The following RANBP2 variants were observed in gnomAD, a reference collection of about 807,000 sequenced individuals.
The protein encoded by RANBP2 is RAN binding protein 2, also known as E3 SUMO-protein ligase RanBP2.
In RANBP2, 57 loss-of-function variants were observed where a neutral mutation model predicts 303.6. The observed-to-expected ratio is 0.19, with a 90% CI of 0.15 to 0.23. RANBP2 has a LOEUF of 0.23. RANBP2 is among the 10% of genes least tolerant of loss of function. The probability of loss-of-function intolerance (pLI) is 1.00; values close to 1 mark genes in which losing one functional copy is unlikely to be tolerated. For synonymous variants in RANBP2, 1,167 were observed against 1,301.5 expected, an observed-to-expected ratio of 0.90 and a Z score of 2.23; for missense variants, 3,138 against 3,780.8, an observed-to-expected ratio of 0.83 and a Z score of 4.46.
At chr2:108,939,903 C>T in the RANBP2 span, among the ~76,000 whole-genome samples, 1 of 152,194 alleles carries the variant, frequency 6.6e-6, no homozygotes. Flanking sequence ...AAGTTGGCAC[C>T]TTAAAGTATT....
chr2:109,422,830 G>A, the RANBP2 span, among the ~76,000 whole-genome samples: 978 of 152,310 alleles, frequency 6.4e-3, 13 homozygotes, highest in African/African-American at 0.022. Context: ...TGCCTGATGT[G>A]AAGGACCGGA....
the RANBP2 span, among the ~76,000 whole-genome samples, chr2:109,629,598 G>A: frequency 6.6e-6 from 1 of 151,532 alleles, no homozygotes; most frequent in Admixed American, 6.6e-5. Flanking sequence ...GGATCACTAG[G>A]TCAGGAGTTT....
chr2:108,996,069 C>A, the RANBP2 span, among the ~76,000 whole-genome samples: 2 of 152,178 alleles, frequency 1.3e-5, no homozygotes, highest in African/African-American at 4.8e-5. Context: ...GCTTTCATAT[C>A]AGTTCTGCTG....
At chr2:109,330,971 G>A in the RANBP2 span, among the ~76,000 whole-genome samples, 30 of 152,216 alleles carry the variant, frequency 2.0e-4, no homozygotes, top group African/African-American at 6.5e-4. Flanking sequence ...AATAAAGGTT[G>A]TGCCATGCAT....
chr2:108,744,827 T>C (rs2949971), intron 7 of RANBP2, among the ~76,000 whole-genome samples: 3 of 152,236 alleles, frequency 2.0e-5, no homozygotes, highest in Admixed American at 6.5e-5. Flanking sequence ...TTTCTCCACC[T>C]CCAAAGAAAC....
the RANBP2 span, among the ~76,000 whole-genome samples, chr2:109,069,075 T>C: frequency 7.2e-5 from 11 of 152,168 alleles, no homozygotes; most frequent in Admixed American, 7.2e-4. Context: ...ACATAACACA[T>C]GCGTTTCACT....
At chr2:109,249,684 GTCA>G in the RANBP2 span, among the ~76,000 whole-genome samples, 1 of 143,670 alleles carries the variant, frequency 7.0e-6, no homozygotes, top group African/African-American at 2.7e-5. Context: ...GTCTTGCTGT[GTCA>G]TCAAGGCTGG....
chr2:109,129,789 G>C, the RANBP2 span: 86 of 1,539,390 alleles, frequency 5.6e-5, no homozygotes, highest in Non-Finnish European at 7.1e-5. Flanking sequence ...GCTGCCTGGA[G>C]AGCATCGTGT....
At chr2:109,277,535 G>A in the RANBP2 span, among the ~76,000 whole-genome samples, 6 of 152,282 alleles carry the variant, frequency 3.9e-5, no homozygotes, top group East Asian at 3.9e-4. Context: ...AGTGACAGGC[G>A]CTGGTCCGTT....
the RANBP2 span, among the ~76,000 whole-genome samples, chr2:109,155,123 C>T: frequency 6.6e-6 from 1 of 152,208 alleles, no homozygotes; most frequent in Non-Finnish European, 1.5e-5. Flanking sequence ...AGGCATTTTG[C>T]AAACTACAAC....
At chr2:108,911,087 A>T in the RANBP2 span, 1 of 1,613,966 alleles carries the variant, frequency 6.2e-7, no homozygotes, top group Non-Finnish European at 8.5e-7. Flanking sequence ...GGGTGGAGAG[A>T]AGGCATGAAT....
At chr2:109,516,256 C>A in the RANBP2 span, among the ~76,000 whole-genome samples, 1 of 152,160 alleles carries the variant, frequency 6.6e-6, no homozygotes. Context: ...GACCTAAGTC[C>A]CACCCCCTGT....
At chr2:109,186,142 C>CT in the RANBP2 span, among the ~76,000 whole-genome samples, 1 of 152,234 alleles carries the variant, frequency 6.6e-6, no homozygotes, top group South Asian at 2.1e-4. Flanking sequence ...TGAAATGCTC[C>CT]TTTTAATAAT....
At chr2:109,537,167 C>T in the RANBP2 span, among the ~76,000 whole-genome samples, 2 of 152,200 alleles carry the variant, frequency 1.3e-5, no homozygotes, top group African/African-American at 4.8e-5. Context: ...AAGTATGATG[C>T]TTGCTATTGG....
At chr2:109,628,481 G>A in the RANBP2 span, among the ~76,000 whole-genome samples, 1 of 150,664 alleles carries the variant, frequency 6.6e-6, no homozygotes, top group Non-Finnish European at 1.5e-5. Flanking sequence ...ATGACAAAGT[G>A]AGACTCTGTC....
chr2:109,548,938 T>C, the RANBP2 span, among the ~76,000 whole-genome samples: 3 of 152,130 alleles, frequency 2.0e-5, no homozygotes, highest in African/African-American at 7.2e-5. Context: ...GACCACCTGA[T>C]AGGAGAAGTA....
chr2:109,502,998 C>G, the RANBP2 span: 1 of 152,132 alleles, frequency 6.6e-6, no homozygotes, highest in African/African-American at 2.4e-5. Flanking sequence ...CTTGCAAGAT[C>G]GGGGAGTTGG....
At chr2:109,613,362 T>C in the RANBP2 span, 6 of 349,072 alleles carry the variant, frequency 1.7e-5, 1 homozygote, top group South Asian at 9.9e-5. Context: ...GGGAGAGCTT[T>C]TGAAAAGCCA....
the RANBP2 span, among the ~76,000 whole-genome samples, chr2:109,633,533 A>G: frequency 6.6e-6 from 1 of 152,202 alleles, no homozygotes; most frequent in Non-Finnish European, 1.5e-5. Context: ...ACCACCCTCA[A>G]GCCTGAGGTA....
Sources: allele counts gnomAD v4.1 joint callset (sites outside exome capture counted in the v4.1 genomes callset), GRCh38; gene constraint gnomAD v4.1.1; transcripts MANE v1.5; gene names NCBI Gene and HGNC (gene_info 2026-07-23, HGNC 2026-07-21).